TRMT9B: variants seen among roughly 807,000 people sequenced by gnomAD.
TRMT9B encodes tRNA methyltransferase 9B (putative).
A neutral mutation model predicts 11.5 loss-of-function variants in TRMT9B; 16 were observed. The ratio of observed to expected loss-of-function variants is 1.39; its 90% confidence interval spans 0.94 to 2.11. The LOEUF is 2.11. Among genes scored for constraint, TRMT9B ranks in the 30% most tolerant of loss-of-function variants. TRMT9B has a pLI of 0.00. For synonymous variants in TRMT9B, 274 were observed against 192.4 expected, an observed-to-expected ratio of 1.42 and a Z score of -3.51; for missense variants, 941 against 553.8, an observed-to-expected ratio of 1.70 and a Z score of -7.02.
At chr8:13,012,201 G>T in intron 3 of TRMT9B, 1 of 985,000 alleles carries the variant, frequency 1.0e-6, no homozygotes, top group Non-Finnish European at 1.2e-6. Context: ...ATGAGAATCT[G>T]TAAGTATTCG....
intron 1 of TRMT9B, among the ~76,000 whole-genome samples, chr8:12,971,216 TTTTC>T (rs1269266852): frequency 2.6e-5 from 4 of 152,232 alleles, no homozygotes; most frequent in African/African-American, 7.2e-5. Flanking sequence ...ATTTATTTAT[TTTTC>T]TTTCTTTTTG....
chr8:12,995,203 G>T (rs1429155651), intron 2 of TRMT9B, among the ~76,000 whole-genome samples: 1 of 152,094 alleles, frequency 6.6e-6, no homozygotes, highest in Non-Finnish European at 1.5e-5. Context: ...TTAACCTTTG[G>T]CATTATTTTG....
At chr8:12,986,607 C>T (rs1163589905) in intron 1 of TRMT9B, among the ~76,000 whole-genome samples, 1 of 152,162 alleles carries the variant, frequency 6.6e-6, no homozygotes, top group Non-Finnish European at 1.5e-5. Context: ...ACATGCATTA[C>T]GAAGGAAGGG....
rs1463518382 is a variant in TRMT9B, at chr8:13,025,981, A to C, written c.*3937A>C. 6.0e-6 allele frequency: 1 copy of C among 166,204 alleles called. No homozygotes were observed. The highest frequency in any genetic ancestry group is 1.9e-4 in the East Asian group (1 of 5,196). The allele number at this position is 166,204 out of a possible 1,614,324, so 10.3% of individuals were successfully genotyped here. ...GAATGCCCCTGATTATTAATGGCCA[A>C]AAAAAAAGCACTGGTGGATTTTAAA... On this transcript the variant is annotated 3_prime_UTR_variant, in exon 5 of 5. Coordinates refer to ENST00000524591, the MANE Select transcript of TRMT9B (RefSeq NM_020844.3).
chr8:13,006,058 G>C, intron 2 of TRMT9B, 144 bp from the exon 3 acceptor site: 5 of 718,934 alleles, frequency 7.0e-6, no homozygotes, highest in Non-Finnish European at 1.1e-5. Flanking sequence ...TGAAGGTATT[G>C]TTCTTTGCAG....
intron 1 of TRMT9B, among the ~76,000 whole-genome samples, chr8:12,965,642 A>G (rs1222966609): frequency 6.6e-6 from 1 of 151,702 alleles, no homozygotes; most frequent in Non-Finnish European, 1.5e-5. Context: ...CCCAAGGTAG[A>G]CTACAAGCAG....
In TRMT9B at chr8:13,021,442, T is replaced by C. The variant is rs777588605; in HGVS notation, c.763T>C (p.Ser255Pro). Residue 255 changes from serine (S) to proline (P), a missense_variant, in exon 5 of 5, where the codon TCT (serine) becomes CCT (proline). Transcript: ENST00000524591. ...GTTTCGTTCCTGGTTTTTCTCCAGATCTTTGGATGAATCGACTCTGAGGAA... is the reference window on the plus strand; with the variant it reads ...GTTTCGTTCCTGGTTTTTCTCCAGACCTTTGGATGAATCGACTCTGAGGAA... ...KSFRSWFFSR[S>P]LDESTLRKQI... is the part of the protein sequence containing the mutation. The C allele has an allele frequency of 1.2e-6, 2 of 1,614,030 alleles. No individual in the cohort carries two copies. The highest frequency in any genetic ancestry group is 2.2e-5 in the South Asian group (2 of 91,086).
chr8:12,979,964 G>A (rs1275857427), intron 1 of TRMT9B, among the ~76,000 whole-genome samples: 1 of 152,154 alleles, frequency 6.6e-6, no homozygotes, highest in African/African-American at 2.4e-5. Flanking sequence ...ATGTGGCCAG[G>A]ACACTGTCAC....
At chr8:12,950,640 A>G (rs777881267) in intron 1 of TRMT9B, among the ~76,000 whole-genome samples, 21 of 152,106 alleles carry the variant, frequency 1.4e-4, no homozygotes, top group Admixed American at 4.6e-4. Flanking sequence ...AGAAGCCCAA[A>G]CAAAGGTTTC....
intron 3 of TRMT9B, chr8:13,012,457 C>G (rs965994602): frequency 6.0e-6 from 3 of 500,916 alleles, no homozygotes; most frequent in African/African-American, 4.0e-5. Context: ...CGCCTATGAT[C>G]CCACCTACTC....
chr8:12,974,030 G>C (rs915614987), intron 1 of TRMT9B, among the ~76,000 whole-genome samples: 8 of 151,942 alleles, frequency 5.3e-5, no homozygotes, highest in African/African-American at 1.9e-4. Flanking sequence ...AAAAAGCTAG[G>C]CATAGTGGCA....
intron 1 of TRMT9B, among the ~76,000 whole-genome samples, chr8:12,987,201 C>T (rs1469108209): frequency 3.3e-5 from 5 of 152,192 alleles, no homozygotes; most frequent in African/African-American, 1.2e-4. Flanking sequence ...TTGGGAAAGT[C>T]ACTTAGGTCC....
At chr8:12,999,433 C>T (rs928173259) in intron 2 of TRMT9B, among the ~76,000 whole-genome samples, 2 of 151,576 alleles carry the variant, frequency 1.3e-5, no homozygotes, top group Non-Finnish European at 2.9e-5. Flanking sequence ...CATACATACA[C>T]GCATACGCAC....
chr8:12,954,730 C>A (rs1025395794), intron 1 of TRMT9B, among the ~76,000 whole-genome samples: 78 of 152,314 alleles, frequency 5.1e-4, no homozygotes, highest in African/African-American at 1.9e-3. Flanking sequence ...TGACTCACTT[C>A]TTTTGATGCC....
intron 3 of TRMT9B, chr8:13,010,763 G>A (rs1367475362): frequency 1.0e-6 from 1 of 983,386 alleles, no homozygotes; most frequent in Non-Finnish European, 1.2e-6. Flanking sequence ...CAAATGAATT[G>A]CAAGGTTATT....
intron 1 of TRMT9B, among the ~76,000 whole-genome samples, chr8:12,980,684 G>A (rs531533386): frequency 1.1e-4 from 16 of 152,150 alleles, no homozygotes; most frequent in Non-Finnish European, 2.1e-4. Flanking sequence ...CACAGGAGAC[G>A]AATCCTACAT....
chr8:13,017,705 C>T (rs1812990879), intron 4 of TRMT9B, among the ~76,000 whole-genome samples: 1 of 149,730 alleles, frequency 6.7e-6, no homozygotes, highest in African/African-American at 2.5e-5. Context: ...CCTCTGCCTC[C>T]TGGGCTCTAG....
In TRMT9B at chr8:12,966,675, G is replaced by A. The variant is rs1802866591; in HGVS notation, c.-200+20709G>A. 2.0e-5 allele frequency among the ~76,000 whole-genome samples: 3 copies of A among 152,158 alleles called. No individual in the cohort carries two copies. The South Asian group carries it at 6.2e-4, about 32-fold the overall frequency. ...GCCTGGGACTTCTTTGATTAATACA[G>A]GAGATGGCAAGCATGAATACCATCC... On this transcript the variant is annotated intron_variant, in intron 1 of 4. Transcript: ENST00000524591.
At chr8:12,962,680 G>A (rs551797020) in intron 1 of TRMT9B, among the ~76,000 whole-genome samples, 2 of 152,110 alleles carry the variant, frequency 1.3e-5, no homozygotes, top group African/African-American at 4.8e-5. Flanking sequence ...TTGTAGAGAC[G>A]GGGTCTCGCT....
Sources: allele counts gnomAD v4.1 joint callset (sites outside exome capture counted in the v4.1 genomes callset), GRCh38; gene constraint gnomAD v4.1.1; transcripts MANE v1.5; gene names NCBI Gene and HGNC (gene_info 2026-07-23, HGNC 2026-07-21).